GSTCD: variants seen among roughly 807,000 people sequenced by gnomAD.
GSTCD encodes the protein glutathione S-transferase C-terminal domain containing, also known as glutathione S-transferase C-terminal domain-containing protein.
GSTCD carries 44 observed loss-of-function variants against 68.3 expected under a neutral mutation model. That is an observed-to-expected ratio of 0.64 (90% CI 0.51 to 0.83). The LOEUF is 0.83. GSTCD is among the 40% of genes least tolerant of loss of function. The probability of loss-of-function intolerance (pLI) is 0.00; values close to 1 mark genes in which losing one functional copy is unlikely to be tolerated. For synonymous variants in GSTCD, 273 were observed against 255.2 expected (o/e 1.07, Z -0.67); for missense variants, 739 against 735.9 (o/e 1.00, Z -0.05).
At chr4:105,803,963 T>C (rs1336368623) in intron 5 of GSTCD, among the ~76,000 whole-genome samples, 1 of 152,030 alleles carries the variant, frequency 6.6e-6, no homozygotes, top group Non-Finnish European at 1.5e-5. Context: ...GATATGTACA[T>C]AGGACTTCAA....
intron 3 of GSTCD, among the ~76,000 whole-genome samples, chr4:105,723,802 T>C (rs1323004087): frequency 6.6e-6 from 1 of 151,840 alleles, no homozygotes; most frequent in African/African-American, 2.4e-5. Flanking sequence ...ACCTACTATG[T>C]TGATTTCACA....
At chr4:105,794,517 G>C (rs965312843) in intron 5 of GSTCD, among the ~76,000 whole-genome samples, 9 of 151,876 alleles carry the variant, frequency 5.9e-5, no homozygotes, top group Non-Finnish European at 1.3e-4. Context: ...GCAAGAGTTA[G>C]GTGGATATAT....
rs867155835 is a variant in GSTCD, at chr4:105,797,250, T to C, written c.1241-25704T>C. Among the ~76,000 whole-genome samples the C allele has an allele frequency of 7.9e-4, 120 of 152,122 alleles. 2 individuals are homozygous for C. Among genetic ancestry groups the C allele is most frequent in the Non-Finnish European group, 2.6e-4 (18 of 68,010 alleles). On this transcript the variant is annotated intron_variant, in intron 5 of 11. Transcript: ENST00000515279. ...TTTTTTTTCTCCTGTCCTATTTTTT[T>C]CCCTGTTGGAACTTGTAAATAAATA... is the stretch of plus-strand genomic sequence containing the variant.
At chr4:105,837,293 G>T (rs1724161899) in intron 9 of GSTCD, among the ~76,000 whole-genome samples, 1 of 152,034 alleles carries the variant, frequency 6.6e-6, no homozygotes, top group African/African-American at 2.4e-5. Flanking sequence ...CTATCCCCCT[G>T]CCCTACTACC....
intron 5 of GSTCD, among the ~76,000 whole-genome samples, chr4:105,815,635 A>G (rs998853977): frequency 6.6e-6 from 1 of 152,192 alleles, no homozygotes; most frequent in Non-Finnish European, 1.5e-5. Context: ...ATTTCAGACT[A>G]CTACAGTGGC....
intron 5 of GSTCD, among the ~76,000 whole-genome samples, chr4:105,734,018 ACT>A (rs1733356554): frequency 6.6e-6 from 1 of 151,848 alleles, no homozygotes; most frequent in African/African-American, 2.4e-5. Flanking sequence ...ATTGGCCCCC[ACT>A]CTCTTCTGGC....
chr4:105,827,819 A>G (rs1437715737), intron 8 of GSTCD, among the ~76,000 whole-genome samples: 2 of 152,046 alleles, frequency 1.3e-5, no homozygotes, highest in East Asian at 3.8e-4. Flanking sequence ...TTTTCTTTAG[A>G]TATAAAAATT....
At chr4:105,842,685 G>T (rs1218235039) in intron 11 of GSTCD, among the ~76,000 whole-genome samples, 3 of 152,132 alleles carry the variant, frequency 2.0e-5, no homozygotes, top group African/African-American at 7.2e-5. Context: ...ACATTTAAAA[G>T]AATAATAGCA....
At chr4:105,814,095 C>T (rs750095971) in intron 5 of GSTCD, among the ~76,000 whole-genome samples, 13 of 152,112 alleles carry the variant, frequency 8.5e-5, no homozygotes, top group Non-Finnish European at 1.5e-4. Flanking sequence ...GGAAAAAATG[C>T]CTTCCCCTGC....
intron 8 of GSTCD, 178 bp downstream of exon 8, chr4:105,825,978 A>T (rs1438561026): frequency 3.2e-6 from 1 of 315,634 alleles, no homozygotes; most frequent in Non-Finnish European, 6.0e-6. Context: ...ATAGCACTTC[A>T]TCATTACATA....
At chr4:105,729,616 T>C (rs1234811516) in intron 5 of GSTCD, 117 bp downstream of exon 5, 3 of 496,704 alleles carry the variant, frequency 6.0e-6, no homozygotes, top group African/African-American at 5.9e-5. Flanking sequence ...ATACTATCAG[T>C]TGAGTTTTCA....
At chr4:105,802,020 A>C (rs1736123517) in intron 5 of GSTCD, among the ~76,000 whole-genome samples, 1 of 152,072 alleles carries the variant, frequency 6.6e-6, no homozygotes, top group South Asian at 2.1e-4. Context: ...AAATATAGAT[A>C]ATGAAGGATA....
At chr4:105,810,241 T>A (rs1255412563) in intron 5 of GSTCD, among the ~76,000 whole-genome samples, 1 of 152,054 alleles carries the variant, frequency 6.6e-6, no homozygotes, top group Non-Finnish European at 1.5e-5. Flanking sequence ...GCCCTGGTAT[T>A]TTTTTTCTTC....
intron 3 of GSTCD, among the ~76,000 whole-genome samples, chr4:105,723,170 T>G (rs950587466): frequency 1.3e-5 from 2 of 151,992 alleles, no homozygotes; most frequent in African/African-American, 4.8e-5. Flanking sequence ...AAATTTCTTG[T>G]GTGATTATCA....
chr4:105,708,815 T>G lies in GSTCD; in HGVS notation c.-223T>G, dbSNP rs1732407041. 1 of 155,784 alleles carries G rather than the reference T, an allele frequency of 6.4e-6. No homozygotes were observed. The highest frequency in any genetic ancestry group is 1.4e-5 in the Non-Finnish European group (1 of 70,956). 9.7% of individuals were successfully genotyped at this position (155,784 alleles called of 1,614,324 possible). ...TCCCTTTTTCCGGTCCGCCGGATTA[T>G]GAATGACGGCCGGCGCGAGTATTTT... On this transcript the variant is annotated 5_prime_UTR_variant, in exon 1 of 12. It removes an upstream start codon present in the reference 5' UTR. Coordinates refer to ENST00000515279, the MANE Select transcript of GSTCD (RefSeq NM_001370181.1).
intron 1 of GSTCD, chr4:105,711,120 A>T (rs1044181682): frequency 1.9e-4 from 29 of 152,304 alleles, no homozygotes; most frequent in African/African-American, 7.0e-4. Flanking sequence ...TTATTGTAAT[A>T]AAATAGGGTA....
intron 5 of GSTCD, among the ~76,000 whole-genome samples, chr4:105,737,424 C>T (rs1733497321): frequency 1.3e-5 from 2 of 152,076 alleles, no homozygotes; most frequent in South Asian, 4.2e-4. Context: ...TTTTCTCTTT[C>T]TGCTGGTTGT....
chr4:105,772,590 C>A (rs1352365250), intron 5 of GSTCD, among the ~76,000 whole-genome samples: 1 of 152,052 alleles, frequency 6.6e-6, no homozygotes, highest in African/African-American at 2.4e-5. Flanking sequence ...TTATCGAGGG[C>A]CTTTTCTGCA....
At position 105,758,508 on chromosome 4, in the gene GSTCD, A is replaced by G. The variant is rs187743475; in HGVS notation, c.1240+29009A>G. On this transcript the variant is annotated intron_variant, in intron 5 of 11. Transcript: ENST00000515279. ...CTTGCTCCCATTCTTGTCATGTAATATGCCTGCTTCCCCTTTGCCTTCTGC... is the reference window on the plus strand; with the variant it reads ...CTTGCTCCCATTCTTGTCATGTAATGTGCCTGCTTCCCCTTTGCCTTCTGC... Among the ~76,000 whole-genome samples, 642 of 152,284 alleles carry G rather than the reference A, an allele frequency of 4.2e-3. 7 individuals carry two copies. Among genetic ancestry groups the G allele is most frequent in the African/African-American group, 0.015 (604 of 41,548 alleles).
Sources: allele counts gnomAD v4.1 joint callset (sites outside exome capture counted in the v4.1 genomes callset), GRCh38; gene constraint gnomAD v4.1.1; transcripts MANE v1.5; gene names NCBI Gene and HGNC (gene_info 2026-07-23, HGNC 2026-07-21).